The following PEX16 variants were observed in gnomAD, a reference collection of about 807,000 sequenced individuals.
PEX16 encodes peroxisomal biogenesis factor 16, also known as peroxin 16.
PEX16 carries 37 observed loss-of-function variants against 50.5 expected under a neutral mutation model. That is an observed-to-expected ratio of 0.73 (90% CI 0.56 to 0.96). The LOEUF (loss-of-function observed/expected upper bound fraction) is 0.96, where lower values mean the gene tolerates loss of function less well. Among genes scored for constraint, PEX16 ranks in the 40% least tolerant of loss-of-function variants. PEX16 has a pLI of 0.00. For missense variants in PEX16, 401 were observed against 438.3 expected (o/e 0.91, Z 0.76); for synonymous variants, 185 against 190.3 (o/e 0.97, Z 0.23).
In PEX16 at chr11:45,915,752, A is replaced by C. The variant is rs557467152; in HGVS notation, c.310T>G (p.Trp104Gly). Reference protein sequence around the residue: ...VFMEMGAAKVWGEVGRWLVIA... With the variant: ...VFMEMGAAKVGGEVGRWLVIA... ...ACAAGCCAGCGGCCCACTTCACCCC[A>C]CACCTTGGCAGCTCCCATCTCCATG... is the stretch of plus-strand genomic sequence containing the variant. Residue 104 changes from tryptophan (W) to glycine (G), a missense_variant, in exon 4 of 11, where the codon TGG becomes GGG. Transcript: ENST00000378750. 16 of 1,613,856 alleles carry C rather than the reference A, an allele frequency of 9.9e-6. No individual in the cohort carries two copies. Among genetic ancestry groups the C allele is most frequent in the Non-Finnish European group, 1.4e-5 (16 of 1,179,996 alleles).
At chr11:45,914,099 G>C in intron 8 of PEX16, 32 bp downstream of exon 8, 1 of 1,582,154 alleles carries the variant, frequency 6.3e-7, no homozygotes, top group Non-Finnish European at 8.6e-7. Context: ...AAGCCCAGTG[G>C]AGAGTGAAGC....
intron 5 of PEX16, 52 bp from the exon 6 acceptor site, chr11:45,914,736 G>A (rs964927819): frequency 2.0e-6 from 3 of 1,490,994 alleles, no homozygotes; most frequent in Non-Finnish European, 2.8e-6. Context: ...GCTTCCAGCG[G>A]AGCCTGCAAA....
intron 9 of PEX16, among the ~76,000 whole-genome samples, chr11:45,912,409 G>A (rs577064999): frequency 4.6e-5 from 7 of 151,904 alleles, no homozygotes; most frequent in African/African-American, 1.2e-4. Context: ...TGAGACAGGA[G>A]AATGGCATGA....
chr11:45,918,557 G>A (rs749050844), upstream of PEX16: 4 of 152,298 alleles, frequency 2.6e-5, no homozygotes, highest in African/African-American at 4.8e-5. Flanking sequence ...CCACATACGC[G>A]AAGAAAGCCC....
intron 9 of PEX16, 67 bp downstream of exon 9, chr11:45,913,752 C>G: frequency 1.3e-6 from 2 of 1,588,824 alleles, no homozygotes; most frequent in Admixed American, 1.7e-5. Context: ...AAGGCGCCAG[C>G]AGGGACCGGA....
chr11:45,915,469 C>A lies in PEX16; in HGVS notation c.459G>T (p.Pro153=), dbSNP rs377135763. The A allele has an allele frequency of 1.2e-6, 2 of 1,613,468 alleles. No individual in the cohort carries two copies. The highest frequency in any genetic ancestry group is 1.7e-6 in the Non-Finnish European group (2 of 1,179,428). The change falls in exon 5 of 11, where the codon CCG becomes CCT. Residue 153 remains proline (P), a splice_region_variant and synonymous_variant. Transcript: ENST00000378750. ...CCAGGGCTTGGGGAAGTAGCTCACC[C>A]GGGGGCTGTGCCTGGGTCTCTCTGT... is the stretch of plus-strand genomic sequence containing the variant. ...PLDRETQAQP[P]DGDHSPGNHE...
intron 3 of PEX16, 109 bp downstream of exon 3, chr11:45,916,118 T>C (rs2086832000): frequency 5.8e-6 from 5 of 864,408 alleles, no homozygotes; most frequent in South Asian, 1.3e-5. Flanking sequence ...CAGATGGACA[T>C]AGGCCTGTCT....
rs977816019 is a variant in PEX16, at chr11:45,910,367, C to A, written c.953-55G>T. The A allele has an allele frequency of 2.1e-6, 3 of 1,422,518 alleles. No individual in the cohort carries two copies. In the African/African-American group the frequency reaches 4.2e-5, roughly 20 times the overall value. The allele number at this position is 1,422,518 out of a possible 1,614,324, so 88.1% of individuals were successfully genotyped here. On this transcript the variant is annotated intron_variant, in intron 10 of 10. Transcript: ENST00000378750. ...GGCCAGACCCCAATCTGCACTGTGG[C>A]GCCACATACAGCACCTCACCCCTGC...
At chr11:45,916,396 C>T (rs1394083435) in intron 2 of PEX16, 93 bp from the exon 3 acceptor site, 3 of 983,110 alleles carry the variant, frequency 3.1e-6, no homozygotes, top group Non-Finnish European at 4.8e-6. Flanking sequence ...CTGTCACATG[C>T]TCTGCTCAGA....
intron 5 of PEX16, 77 bp from the exon 6 acceptor site, chr11:45,914,761 A>C (rs893422666): frequency 9.1e-6 from 11 of 1,203,090 alleles, no homozygotes; most frequent in Non-Finnish European, 1.4e-5. Flanking sequence ...GTGTGCAGTG[A>C]ATGCTCAGGA....
In PEX16 at chr11:45,917,733, T is replaced by A. The variant is rs1165942477; in HGVS notation, c.79A>T (p.Thr27Ser). The A allele has an allele frequency of 6.4e-7, 1 of 1,560,856 alleles. No individual in the cohort carries two copies. The highest frequency in any genetic ancestry group is 8.7e-7 in the Non-Finnish European group (1 of 1,152,612). The change falls in exon 1 of 11, where the codon ACA (threonine) becomes TCA (serine). Residue 27 changes from threonine (T) to serine (S), a missense_variant. Coordinates refer to ENST00000378750, the MANE Select transcript of PEX16 (RefSeq NM_004813.4). ...RHPAATAQLE[T>S]AVRGFSYLLA... is the part of the protein sequence containing the mutation. ...AGGTAACTGAAGCCCCGCACTGCTG[T>A]CTCCAGCTGGGCCGTGGCGGCCGGG... is the stretch of plus-strand genomic sequence containing the variant.
Position 45,910,305 on chromosome 11 carries a change from G to A in PEX16, c.960C>T (p.Leu320=), listed in dbSNP as rs370792374. 1.0e-4 allele frequency: 162 copies of A among 1,613,344 alleles called. No individual in the cohort carries two copies. Among genetic ancestry groups the A allele is most frequent in the Middle Eastern group, 5.0e-4 (3 of 6,048 alleles). ...VPGVGLVTRP[L]MDYLPTWQKI... ...TCTGCCAGGTGGGCAAGTAATCCAT[G>A]AGCGGCCCTGCAGTGGGAGAGGGAC... The change falls in exon 11 of 11, where the codon CTC becomes CTT. Residue 320 remains leucine (L), a synonymous_variant. Transcript: ENST00000378750.
At chr11:45,916,121 G>A (rs767763962) in intron 3 of PEX16, 106 bp downstream of exon 3, 2 of 872,270 alleles carry the variant, frequency 2.3e-6, no homozygotes, top group East Asian at 2.4e-5. Flanking sequence ...ATGGACATAG[G>A]CCTGTCTCAT....
At chr11:45,918,107 A>G (rs867394475), upstream of PEX16, 5 of 496,558 alleles carry the variant, frequency 1.0e-5, no homozygotes, top group African/African-American at 7.8e-5. Flanking sequence ...GTCAGCACCC[A>G]GCTCTTCCGT....
In PEX16 at chr11:45,910,182, C is replaced by G; in HGVS notation, c.*72G>C. On this transcript the variant is annotated 3_prime_UTR_variant, in exon 11 of 11. Coordinates refer to ENST00000378750, the MANE Select transcript of PEX16 (RefSeq NM_004813.4). ...GAGAGGCCGCACGCTGGGACGCTGC[C>G]GGAGTCAGTTTTATTAGGGAAGAGG... The G allele has an allele frequency of 6.2e-7, 1 of 1,612,472 alleles. No homozygotes were observed. The highest frequency in any genetic ancestry group is 8.5e-7 in the Non-Finnish European group (1 of 1,179,932).
chr11:45,915,103 C>T (rs893338419), intron 5 of PEX16, among the ~76,000 whole-genome samples: 3 of 152,242 alleles, frequency 2.0e-5, no homozygotes, highest in Non-Finnish European at 2.9e-5. Flanking sequence ...CAGAAGCTGA[C>T]GGGATGGGCC....
intron 10 of PEX16, 150 bp from the exon 11 acceptor site, chr11:45,910,462 A>G: frequency 2.8e-6 from 2 of 716,592 alleles, no homozygotes; most frequent in Non-Finnish European, 5.1e-6. Context: ...GGACTCTGGC[A>G]CCATTTACAA....
chr11:45,909,737 G>C lies in PEX16; in HGVS notation c.*517C>G, dbSNP rs1341226990. ...TAAAGTGCCACTTGCGTGGGAGCCA[G>C]GCTCACTGTTCACCAGGCTCTGTCA... On this transcript the variant is annotated 3_prime_UTR_variant, in exon 11 of 11. Transcript: ENST00000378750. 2.7e-6 allele frequency: 1 copy of C among 371,906 alleles called. No individual in the cohort carries two copies. The highest frequency in any genetic ancestry group is 5.0e-6 in the Non-Finnish European group (1 of 198,882). The allele number at this position is 371,906 out of a possible 1,614,324, so 23.0% of individuals were successfully genotyped here.
In PEX16 at chr11:45,910,959, G is replaced by C; in HGVS notation, c.891C>G (p.Ala297=). The C allele has an allele frequency of 1.9e-6, 3 of 1,613,128 alleles. No individual in the cohort carries two copies. Among genetic ancestry groups the C allele is most frequent in the Non-Finnish European group, 1.7e-6 (2 of 1,179,858 alleles). Residue 297 remains alanine (A), a synonymous_variant, in exon 10 of 11, where the codon GCC becomes GCG. Coordinates refer to ENST00000378750, the MANE Select transcript of PEX16 (RefSeq NM_004813.4). The part of the protein sequence containing the change: ...RSPFYDRFSE[A]RILFLLQLLA... Reference sequence around the variant, plus strand: ...GCAACTGGAGCAGGAAGAGGATCCTGGCCCTGGGGGAGGCAATAAATGGGG... The same window carrying C: ...GCAACTGGAGCAGGAAGAGGATCCTCGCCCTGGGGGAGGCAATAAATGGGG...
Sources: allele counts gnomAD v4.1 joint callset (sites outside exome capture counted in the v4.1 genomes callset), GRCh38; gene constraint gnomAD v4.1.1; transcripts MANE v1.5; gene names NCBI Gene and HGNC (gene_info 2026-07-23, HGNC 2026-07-21).